ATP2B2: variants seen among roughly 807,000 people sequenced by gnomAD.
The protein encoded by ATP2B2 is ATPase plasma membrane Ca2+ transporting 2.
ATP2B2 carries 15 observed loss-of-function variants against 120.0 expected under a neutral mutation model. That is an observed-to-expected ratio of 0.12 (90% confidence interval 0.08 to 0.19). The LOEUF (loss-of-function observed/expected upper bound fraction) is 0.19, where lower values mean the gene tolerates loss of function less well. ATP2B2 is among the 10% of genes least tolerant of loss of function. The probability of loss-of-function intolerance (pLI) is 1.00; values close to 1 mark genes in which losing one functional copy is unlikely to be tolerated. For missense variants in ATP2B2, 1,045 were observed against 1,719.8 expected (o/e 0.61, Z 6.94); for synonymous variants, 694 against 700.3 (o/e 0.99, Z 0.14).
At chr3:10,577,645 G>C (rs1020035343) in intron 2 of ATP2B2, among the ~76,000 whole-genome samples, 3 of 152,224 alleles carry the variant, frequency 2.0e-5, no homozygotes, top group Admixed American at 2.0e-4. Context: ...GGGGGACTCA[G>C]AGAAGGCCCT....
chr3:10,389,498 G>A (rs1482803827), intron 5 of ATP2B2, among the ~76,000 whole-genome samples: 1 of 152,190 alleles, frequency 6.6e-6, no homozygotes, highest in Non-Finnish European at 1.5e-5. Flanking sequence ...GAGCCAGCCA[G>A]CCACAAAAGG....
intron 6 of ATP2B2, among the ~76,000 whole-genome samples, chr3:10,387,361 C>G (rs925868990): frequency 1.3e-5 from 2 of 152,226 alleles, no homozygotes; most frequent in Non-Finnish European, 2.9e-5. Context: ...TGATTAGCCT[C>G]TGAGAGCTGG....
At chr3:10,539,757 TAAAAACCCTAGAA>T (rs1256959751) in intron 2 of ATP2B2, among the ~76,000 whole-genome samples, 2 of 152,100 alleles carry the variant, frequency 1.3e-5, no homozygotes, top group Non-Finnish European at 2.9e-5. Flanking sequence ...CTAAAAACCA[TAAAAACCCTAGAA>T]GAAAACCTAG....
chr3:10,476,389 C>A (rs2065203974), intron 1 of ATP2B2, among the ~76,000 whole-genome samples: 1 of 152,202 alleles, frequency 6.6e-6, no homozygotes, highest in South Asian at 2.1e-4. Flanking sequence ...CTAGTAGGAC[C>A]AAGTCAACTC....
chr3:10,346,136 G>A lies in ATP2B2; in HGVS notation c.2406C>T (p.Gly802=). 1 of 1,609,976 alleles carries A rather than the reference G, an allele frequency of 6.2e-7. No homozygotes were observed. ...GCTCAGTGTGTGTGCTGTCGATGAT[G>A]CCTGTTGGGGCAGGAGTGTGCTCAG... ...SPTDKHTLVK[G]IIDSTHTEQR... is the part of the protein sequence containing the mutation. Residue 802 remains glycine, a splice_region_variant and synonymous_variant, in exon 17 of 23, where the codon GGC becomes GGT. Transcript: ENST00000360273. This position sits in a 1 kb window ranked among gnomAD's most constrained non-coding sequence, Gnocchi z 4.1.
At chr3:10,695,737 T>C (rs1458687694) in intron 1 of ATP2B2, among the ~76,000 whole-genome samples, 1 of 152,180 alleles carries the variant, frequency 6.6e-6, no homozygotes, top group Non-Finnish European at 1.5e-5. Context: ...ACCAGAAGCA[T>C]CATTTAGCTG....
intron 3 of ATP2B2, among the ~76,000 whole-genome samples, chr3:10,527,415 C>T (rs2067119425): frequency 1.3e-5 from 2 of 152,196 alleles, no homozygotes; most frequent in Non-Finnish European, 2.9e-5. Flanking sequence ...GGATTTGAAC[C>T]TGGGTCTTCT....
chr3:10,680,856 C>T (rs1273915622), intron 1 of ATP2B2, among the ~76,000 whole-genome samples: 3 of 152,086 alleles, frequency 2.0e-5, no homozygotes, highest in East Asian at 3.9e-4. Flanking sequence ...TTGTCTGCAC[C>T]GAATCTCATG....
chr3:10,620,886 G>A (rs1293169019), intron 1 of ATP2B2, among the ~76,000 whole-genome samples: 4 of 152,172 alleles, frequency 2.6e-5, no homozygotes, highest in African/African-American at 7.2e-5. Flanking sequence ...CAGATCCTGA[G>A]GGGCAAATGG....
intron 1 of ATP2B2, among the ~76,000 whole-genome samples, chr3:10,472,080 CAAAA>C (rs55895159): frequency 0.11 from 10,340 of 93,632 alleles, 1,229 homozygotes; most frequent in African/African-American, 0.35. Flanking sequence ...GACTCCGTCT[CAAAA>C]AAAAAAAAAA....
At position 10,386,855 on chromosome 3, in the gene ATP2B2, A is replaced by G. The variant is rs113193124; in HGVS notation, c.908-343T>C. 5.4e-3 allele frequency among the ~76,000 whole-genome samples: 824 copies of G among 152,306 alleles called. 9 individuals carry two copies. The highest frequency in any genetic ancestry group is 0.019 in the African/African-American group (782 of 41,560). ...CTCCATCTCACAGGAGTGCAGGTGC[A>G]TGCTCAGCGAAGGACCCTGAACTGT... On this transcript the variant is annotated intron_variant, in intron 6 of 22. Coordinates refer to ENST00000360273, the MANE Select transcript of ATP2B2 (RefSeq NM_001001331.4).
At chr3:10,535,491 C>T (rs556873481) in intron 2 of ATP2B2, among the ~76,000 whole-genome samples, 2 of 151,896 alleles carry the variant, frequency 1.3e-5, no homozygotes, top group South Asian at 4.1e-4. Flanking sequence ...CTGTTCCATC[C>T]CTACAAGGCT....
chr3:10,604,721 G>T (rs1411593872), intron 2 of ATP2B2, among the ~76,000 whole-genome samples: 1 of 152,182 alleles, frequency 6.6e-6, no homozygotes, highest in Non-Finnish European at 1.5e-5. Flanking sequence ...CACTAGGCCA[G>T]CTTCTCTTCA....
intron 2 of ATP2B2, among the ~76,000 whole-genome samples, chr3:10,583,337 C>A (rs1415764319): frequency 6.6e-6 from 1 of 152,198 alleles, no homozygotes; most frequent in Admixed American, 6.5e-5. Flanking sequence ...CACATTATTT[C>A]TTTCAGTACT....
intron 5 of ATP2B2, among the ~76,000 whole-genome samples, chr3:10,400,648 A>C (rs973112679): frequency 6.6e-6 from 1 of 152,188 alleles, no homozygotes; most frequent in Non-Finnish European, 1.5e-5. Context: ...CTCTGATGAG[A>C]GTGGGCTTCG....
At chr3:10,586,345 C>T (rs1410890288) in intron 2 of ATP2B2, among the ~76,000 whole-genome samples, 3 of 152,208 alleles carry the variant, frequency 2.0e-5, no homozygotes, top group South Asian at 4.1e-4. Flanking sequence ...AGGCTCCAGG[C>T]CAGGAGCTTT....
intron 1 of ATP2B2, among the ~76,000 whole-genome samples, chr3:10,457,857 G>T (rs1245484144): frequency 6.6e-6 from 1 of 152,140 alleles, no homozygotes; most frequent in Non-Finnish European, 1.5e-5. Context: ...GAAGGCACAG[G>T]TGGCAGACGT....
intron 1 of ATP2B2, among the ~76,000 whole-genome samples, chr3:10,642,266 T>C (rs937473318): frequency 6.6e-6 from 1 of 152,216 alleles, no homozygotes; most frequent in East Asian, 1.9e-4. Flanking sequence ...GAACAGTCTA[T>C]TCATGTACAG....
intron 1 of ATP2B2, among the ~76,000 whole-genome samples, chr3:10,651,233 G>A (rs986840861): frequency 2.6e-5 from 4 of 152,314 alleles, no homozygotes; most frequent in African/African-American, 9.6e-5. Context: ...GAGGACATGA[G>A]ATTAGGGAGG....
Sources: allele counts gnomAD v4.1 joint callset (sites outside exome capture counted in the v4.1 genomes callset), GRCh38; gene constraint gnomAD v4.1.1; non-coding constraint Gnocchi (gnomAD v3.1); transcripts MANE v1.5; gene names NCBI Gene and HGNC (gene_info 2026-07-23, HGNC 2026-07-21).